Variants in RANBP2 observed in about 807,000 individuals in gnomAD.
RANBP2 encodes E3 SUMO-protein ligase RanBP2.
A neutral mutation model predicts 303.6 loss-of-function variants in RANBP2; 57 were observed. That is an observed-to-expected ratio of 0.19 (90% CI 0.15 to 0.23). The LOEUF (loss-of-function observed/expected upper bound fraction) is 0.23. Among genes scored for constraint, RANBP2 ranks in the 10% least tolerant of loss-of-function variants. RANBP2 has a pLI of 1.00. For missense variants in RANBP2, 3,138 were observed against 3,780.8 expected, an observed-to-expected ratio of 0.83 and a Z score of 4.46; for synonymous variants, 1,167 against 1,301.5, an observed-to-expected ratio of 0.90 and a Z score of 2.23.
the RANBP2 span, among the ~76,000 whole-genome samples, chr2:108,814,645 TTTA>T: frequency 1.8e-4 from 28 of 151,400 alleles, no homozygotes; most frequent in Non-Finnish European, 1.9e-4. Context: ...TTTTTGTTTT[TTTA>T]TTTTTTAATT....
At chr2:109,568,415 A>AG in the RANBP2 span, among the ~76,000 whole-genome samples, 4 of 131,758 alleles carry the variant, frequency 3.0e-5, no homozygotes, top group African/African-American at 1.2e-4. Flanking sequence ...GCTGTAACCC[A>AG]GGCTGGAGTG....
At chr2:109,579,444 C>T in the RANBP2 span, among the ~76,000 whole-genome samples, 5 of 150,138 alleles carry the variant, frequency 3.3e-5, no homozygotes, top group Admixed American at 6.7e-5. Context: ...AGTGTAATGG[C>T]CCAATCTTGG....
At chr2:108,974,457 C>T in the RANBP2 span, among the ~76,000 whole-genome samples, 29 of 149,978 alleles carry the variant, frequency 1.9e-4, no homozygotes, top group Non-Finnish European at 3.8e-4. Context: ...CATGACTGGG[C>T]ATGGTGGCTC....
At chr2:109,078,098 A>ATATATATATATATATATATATAGAGTG in the RANBP2 span, among the ~76,000 whole-genome samples, 1 of 60,068 alleles carries the variant, frequency 1.7e-5, no homozygotes, top group African/African-American at 8.6e-5. Context: ...ATATATATAT[A>ATATATATATATATATATATATAGAGTG]TATATATATA....
chr2:109,696,575 T>A, the RANBP2 span, among the ~76,000 whole-genome samples: 2 of 152,212 alleles, frequency 1.3e-5, no homozygotes, highest in African/African-American at 2.4e-5. Context: ...TAAAATTGGT[T>A]AGTATAATTC....
At chr2:109,176,956 C>T in the RANBP2 span, among the ~76,000 whole-genome samples, 1 of 152,148 alleles carries the variant, frequency 6.6e-6, no homozygotes, top group African/African-American at 2.4e-5. Context: ...GGAGATTTGG[C>T]ATTTTAGGTG....
At chr2:108,902,219 A>G in the RANBP2 span, among the ~76,000 whole-genome samples, 1 of 151,982 alleles carries the variant, frequency 6.6e-6, no homozygotes, top group African/African-American at 2.4e-5. Flanking sequence ...AAAAAAAAAA[A>G]AAAAAATTAG....
chr2:109,737,548 T>C, the RANBP2 span: 3 of 513,714 alleles, frequency 5.8e-6, no homozygotes, highest in Non-Finnish European at 6.8e-6. Flanking sequence ...GAAAGCCAGA[T>C]ATCTCTTTAA....
chr2:108,793,688 C>G, the RANBP2 span, among the ~76,000 whole-genome samples: 1 of 151,874 alleles, frequency 6.6e-6, no homozygotes, highest in Non-Finnish European at 1.5e-5. Context: ...GCTCCGCCTC[C>G]CGGATTCACG....
At chr2:109,198,549 T>C in the RANBP2 span, among the ~76,000 whole-genome samples, 1 of 152,136 alleles carries the variant, frequency 6.6e-6, no homozygotes, top group Admixed American at 6.5e-5. Flanking sequence ...CTGTGAGATG[T>C]TTGTTTCTCA....
At chr2:108,787,979 G>T, downstream of RANBP2, 1 of 1,351,490 alleles carries the variant, frequency 7.4e-7, no homozygotes, top group South Asian at 1.3e-5. Context: ...AATATTTTGA[G>T]ACAGTAAATT....
chr2:109,080,960 T>G, the RANBP2 span, among the ~76,000 whole-genome samples: 2 of 152,302 alleles, frequency 1.3e-5, no homozygotes, highest in South Asian at 4.1e-4. Context: ...GCTGTGCCAC[T>G]GACACAACAT....
At chr2:108,866,668 A>AG in the RANBP2 span, among the ~76,000 whole-genome samples, 2 of 152,124 alleles carry the variant, frequency 1.3e-5, no homozygotes, top group East Asian at 3.9e-4. Flanking sequence ...GTGGATCACG[A>AG]GGTCAGGAGT....
chr2:109,249,465 T>C, the RANBP2 span, among the ~76,000 whole-genome samples: 6 of 125,742 alleles, frequency 4.8e-5, no homozygotes, highest in South Asian at 8.4e-4. Flanking sequence ...CTTTCTCTCT[T>C]TCTCTTTCTT....
the RANBP2 span, among the ~76,000 whole-genome samples, chr2:109,305,324 A>T: frequency 6.6e-6 from 1 of 151,938 alleles, no homozygotes; most frequent in African/African-American, 2.4e-5. Context: ...GAGAGGATGA[A>T]GCGCCTCTTC....
chr2:109,264,350 C>T, the RANBP2 span, among the ~76,000 whole-genome samples: 7 of 137,588 alleles, frequency 5.1e-5, no homozygotes, highest in African/African-American at 1.4e-4. Context: ...GGATCCACTC[C>T]GAGTCTGTGG....
At chr2:109,609,013 C>A in the RANBP2 span, among the ~76,000 whole-genome samples, 1 of 152,306 alleles carries the variant, frequency 6.6e-6, no homozygotes, top group East Asian at 1.9e-4. Context: ...AATTTAAGAG[C>A]ATCCTTCTCC....
the RANBP2 span, among the ~76,000 whole-genome samples, chr2:109,187,536 C>T: frequency 1.3e-5 from 2 of 152,064 alleles, no homozygotes; most frequent in African/African-American, 4.8e-5. Flanking sequence ...AAACATTTAC[C>T]ATTGTGTTCC....
chr2:109,036,999 G>T, the RANBP2 span, among the ~76,000 whole-genome samples: 2 of 152,052 alleles, frequency 1.3e-5, no homozygotes, highest in East Asian at 3.9e-4. Flanking sequence ...ACAAAAATTA[G>T]CTGGGCATGG....
Sources: allele counts gnomAD v4.1 joint callset (sites outside exome capture counted in the v4.1 genomes callset), GRCh38; gene constraint gnomAD v4.1.1; transcripts MANE v1.5; gene names NCBI Gene and HGNC (gene_info 2026-07-23, HGNC 2026-07-21).